Variants in TMPRSS12 observed in about 807,000 individuals in gnomAD.
TMPRSS12 encodes transmembrane protease serine 12.
In TMPRSS12, 25 loss-of-function variants were observed where a neutral mutation model predicts 26.0. The observed-to-expected ratio is 0.96, with a 90% CI of 0.70 to 1.34. TMPRSS12 has a LOEUF of 1.34. Ranked by LOEUF, TMPRSS12 falls within the 40% of genes most tolerant of loss-of-function variation. TMPRSS12 has a pLI of 0.00. For synonymous variants in TMPRSS12, 150 were observed against 161.7 expected, an observed-to-expected ratio of 0.93 and a Z score of 0.55; for missense variants, 441 against 440.1, an observed-to-expected ratio of 1.00 and a Z score of -0.02.
intron 3 of TMPRSS12, among the ~76,000 whole-genome samples, chr12:50,865,814 AC>A (rs1937985810): frequency 6.6e-6 from 1 of 151,822 alleles, no homozygotes; most frequent in East Asian, 1.9e-4. Context: ...GCCAAAAGAC[AC>A]CCTCTCCTGT....
chr12:50,855,048 C>T (rs1937862674), intron 2 of TMPRSS12, among the ~76,000 whole-genome samples: 3 of 152,144 alleles, frequency 2.0e-5, no homozygotes, highest in Admixed American at 2.0e-4. Flanking sequence ...CATCATACTA[C>T]CTGACTTCAA....
intron 2 of TMPRSS12, among the ~76,000 whole-genome samples, chr12:50,856,472 C>T (rs1937878625): frequency 6.6e-6 from 1 of 152,114 alleles, no homozygotes; most frequent in Admixed American, 6.6e-5. Flanking sequence ...GAATGTACCA[C>T]TGTTTGTTAA....
chr12:50,880,688 T>G (rs553334966), intron 3 of TMPRSS12, among the ~76,000 whole-genome samples: 3 of 152,124 alleles, frequency 2.0e-5, no homozygotes, highest in Admixed American at 6.5e-5. Context: ...CAAAAACTTA[T>G]GAACGCTCAT....
chr12:50,882,650 G>A, intron 3 of TMPRSS12, among the ~76,000 whole-genome samples: 4 of 152,256 alleles, frequency 2.6e-5, no homozygotes, highest in African/African-American at 9.6e-5. Context: ...AAATTCCTTT[G>A]TAAATAACCC....
chr12:50,871,951 G>C, intron 3 of TMPRSS12, among the ~76,000 whole-genome samples: 1 of 151,566 alleles, frequency 6.6e-6, no homozygotes, highest in Non-Finnish European at 1.5e-5. Flanking sequence ...GTAGATGTTG[G>C]CATGGATGTA....
rs1938241485 is a variant in TMPRSS12, at chr12:50,887,638, A to G, written c.*125A>G. The stretch of plus-strand genomic sequence containing the variant: ...ATTAGAGATTTCATGTGAACATTTT[A>G]TGGGCTATAAGTATTGTGACAGATA... On this transcript the variant is annotated 3_prime_UTR_variant, in exon 5 of 5. Coordinates refer to ENST00000398458, the MANE Select transcript of TMPRSS12 (RefSeq NM_182559.3). 1.6e-6 allele frequency: 2 copies of G among 1,244,412 alleles called. No individual in the cohort carries two copies. The highest frequency in any genetic ancestry group is 2.2e-6 in the Non-Finnish European group (2 of 905,868). 77.1% of individuals were successfully genotyped at this position (1,244,412 alleles called of 1,614,324 possible). A position where few individuals can be genotyped will look rare whatever the true frequency, so the allele number is the denominator to read the frequency against.
At chr12:50,860,803 G>A (rs1239556830) in intron 3 of TMPRSS12, among the ~76,000 whole-genome samples, 1 of 152,044 alleles carries the variant, frequency 6.6e-6, no homozygotes, top group Non-Finnish European at 1.5e-5. Context: ...TAGAGACAGG[G>A]TCTTGCCATG....
chr12:50,852,759 A>G (rs940779392), intron 2 of TMPRSS12, among the ~76,000 whole-genome samples: 3 of 152,222 alleles, frequency 2.0e-5, no homozygotes, highest in African/African-American at 7.2e-5. Flanking sequence ...AGAGCATTAC[A>G]TAATGATAAA....
intron 2 of TMPRSS12, among the ~76,000 whole-genome samples, chr12:50,852,007 T>C (rs1212405776): frequency 6.6e-6 from 1 of 152,180 alleles, no homozygotes; most frequent in Non-Finnish European, 1.5e-5. Context: ...GCTAAGGGAA[T>C]TAATTACCAC....
chr12:50,846,189 G>A lies in TMPRSS12; in HGVS notation c.383+2152G>A, dbSNP rs539523459. Among the ~76,000 whole-genome samples, 46 of 152,214 alleles carry A rather than the reference G, an allele frequency of 3.0e-4. No individual in the cohort carries two copies. The South Asian group carries it at 9.3e-3, about 31-fold the overall frequency. On this transcript the variant is annotated intron_variant, in intron 2 of 4. Transcript: ENST00000398458. ...TTCTTTTGTTGCCTGTGTTTCTGGTGTAATATGTAAGAAATCATTATATCA... is the reference window on the plus strand; with the variant it reads ...TTCTTTTGTTGCCTGTGTTTCTGGTATAATATGTAAGAAATCATTATATCA...
chr12:50,855,284 T>C (rs927190978), intron 2 of TMPRSS12, among the ~76,000 whole-genome samples: 2 of 152,076 alleles, frequency 1.3e-5, no homozygotes, highest in African/African-American at 4.8e-5. Context: ...AGTAAACAGA[T>C]AACCTACAGA....
At chr12:50,843,710 G>A (rs2139717178) in intron 1 of TMPRSS12, 132 bp from the exon 2 acceptor site, 1 of 837,792 alleles carries the variant, frequency 1.2e-6, no homozygotes, top group East Asian at 3.1e-5. Context: ...AAATATGGGC[G>A]TGTCTCCGGT....
Position 50,858,793 on chromosome 12 carries a change from T to C in TMPRSS12, c.392T>C (p.Leu131Ser). Residue 131 changes from leucine (L) to serine (S), a missense_variant, in exon 3 of 5, where the codon TTA becomes TCA. By Grantham distance (145) the Leu-to-Ser change is moderately radical (BLOSUM62 -2). Coordinates refer to ENST00000398458, the MANE Select transcript of TMPRSS12 (RefSeq NM_182559.3). ...TGTTTACTTTCTTTCAGCGATCCTT[T>C]AATGTGGACAGCTGTGATTGGAACT... is the stretch of plus-strand genomic sequence containing the variant. The part of the protein sequence containing the change: ...AHCTKDASDP[L>S]MWTAVIGTNN... 1.9e-6 allele frequency: 3 copies of C among 1,557,190 alleles called. No individual in the cohort carries two copies. Among genetic ancestry groups the C allele is most frequent in the Non-Finnish European group, 2.6e-6 (3 of 1,157,772 alleles).
intron 3 of TMPRSS12, among the ~76,000 whole-genome samples, chr12:50,867,191 G>C (rs1020549538): frequency 6.6e-6 from 1 of 152,216 alleles, no homozygotes; most frequent in Non-Finnish European, 1.5e-5. Flanking sequence ...AATCATGGAG[G>C]CTCCAGAGAA....
intron 2 of TMPRSS12, among the ~76,000 whole-genome samples, chr12:50,856,450 C>A (rs976690082): frequency 3.9e-5 from 6 of 152,042 alleles, no homozygotes; most frequent in African/African-American, 1.5e-4. Flanking sequence ...GCAAGAATGG[C>A]CAAATACATA....
intron 2 of TMPRSS12, among the ~76,000 whole-genome samples, chr12:50,845,288 T>A (rs916393749): frequency 6.6e-6 from 1 of 152,212 alleles, no homozygotes; most frequent in Non-Finnish European, 1.5e-5. Flanking sequence ...CCACATTCTC[T>A]TCTTGAAATT....
chr12:50,873,151 C>G (rs900409599), intron 3 of TMPRSS12, among the ~76,000 whole-genome samples: 2 of 150,084 alleles, frequency 1.3e-5, no homozygotes, highest in African/African-American at 4.9e-5. Flanking sequence ...GATGCAAAGG[C>G]ATATGAATGA....
At chr12:50,856,615 G>A (rs1660560464) in intron 2 of TMPRSS12, among the ~76,000 whole-genome samples, 1 of 150,102 alleles carries the variant, frequency 6.7e-6, no homozygotes, top group Non-Finnish European at 1.5e-5. Context: ...CTTGTCAAAT[G>A]ATAAGTGTAT....
chr12:50,868,796 C>G (rs1429386714), intron 3 of TMPRSS12, among the ~76,000 whole-genome samples: 4 of 152,062 alleles, frequency 2.6e-5, no homozygotes, highest in Non-Finnish European at 4.4e-5. Flanking sequence ...ATATCAAGAA[C>G]TCTCTTGGAC....
Sources: allele counts gnomAD v4.1 joint callset (sites outside exome capture counted in the v4.1 genomes callset), GRCh38; gene constraint gnomAD v4.1.1; transcripts MANE v1.5; gene names NCBI Gene and HGNC (gene_info 2026-07-23, HGNC 2026-07-21).